Variants in KCNIP4 observed in about 807,000 individuals in gnomAD.
The protein encoded by KCNIP4 is potassium voltage-gated channel interacting protein 4, also known as Kv channel-interacting protein 4.
A neutral mutation model predicts 34.0 loss-of-function variants in KCNIP4; 12 were observed. The ratio of observed to expected loss-of-function variants is 0.35; its 90% CI spans 0.23 to 0.57. The LOEUF (loss-of-function observed/expected upper bound fraction) is 0.57. KCNIP4 is among the 20% of genes least tolerant of loss of function. KCNIP4 has a pLI of 0.83. For synonymous variants in KCNIP4, 124 were observed against 102.2 expected (o/e 1.21, Z -1.29); for missense variants, 238 against 311.7 (o/e 0.76, Z 1.78).
At chr4:21,788,019 G>A (rs942462578) in intron 1 of KCNIP4, among the ~76,000 whole-genome samples, 1 of 151,884 alleles carries the variant, frequency 6.6e-6, no homozygotes, top group African/African-American at 2.4e-5. Flanking sequence ...AAGGCAGGCC[G>A]CTTGATACAT....
intron 1 of KCNIP4, among the ~76,000 whole-genome samples, chr4:20,897,115 T>C (rs900799923): frequency 6.6e-6 from 1 of 151,938 alleles, no homozygotes; most frequent in Non-Finnish European, 1.5e-5. Flanking sequence ...AAGTAAATAT[T>C]GTCCAGTTTT....
Position 21,424,435 on chromosome 4 carries a change from G to T in KCNIP4, c.61+524136C>A, listed in dbSNP as rs558522938. 8.6e-5 allele frequency among the ~76,000 whole-genome samples: 13 copies of T among 152,024 alleles called. No individual in the cohort carries two copies. The South Asian group carries it at 2.3e-3, about 27-fold the overall frequency. On this transcript the variant is annotated intron_variant, in intron 1 of 8. Transcript: ENST00000382152. ...AAAAAATAAAACATTAGCCAGGCAT[G>T]GTGGCATGCGCCTGTAATCCCAGCT...
chr4:21,875,386 A>G (rs1223204625), intron 1 of KCNIP4, among the ~76,000 whole-genome samples: 1 of 152,208 alleles, frequency 6.6e-6, no homozygotes, highest in Non-Finnish European at 1.5e-5. Flanking sequence ...AAACAAATAA[A>G]TAGATAGAAA....
At chr4:21,292,002 T>G (rs1172234549) in intron 1 of KCNIP4, among the ~76,000 whole-genome samples, 1 of 152,026 alleles carries the variant, frequency 6.6e-6, no homozygotes, top group Non-Finnish European at 1.5e-5. Context: ...AGTAGAAAAT[T>G]CCGTCTATGT....
chr4:21,663,108 A>C (rs565459756), intron 1 of KCNIP4, among the ~76,000 whole-genome samples: 18 of 152,298 alleles, frequency 1.2e-4, no homozygotes, highest in African/African-American at 4.1e-4. Context: ...GAAACTTGTA[A>C]AATAATTGTA....
chr4:20,804,946 A>T (rs1327998646), intron 3 of KCNIP4, among the ~76,000 whole-genome samples: 1 of 152,114 alleles, frequency 6.6e-6, no homozygotes, highest in Non-Finnish European at 1.5e-5. Context: ...GAGCCTCATA[A>T]ATGAACAGTT....
chr4:21,561,571 T>C (rs1446979539), intron 1 of KCNIP4, among the ~76,000 whole-genome samples: 1 of 151,914 alleles, frequency 6.6e-6, no homozygotes, highest in Non-Finnish European at 1.5e-5. Flanking sequence ...ATTTAAATGA[T>C]GGTGGGCAGC....
chr4:21,512,333 A>G (rs1734409716), intron 1 of KCNIP4, among the ~76,000 whole-genome samples: 1 of 152,156 alleles, frequency 6.6e-6, no homozygotes, highest in Non-Finnish European at 1.5e-5. Context: ...AAGCAATCCT[A>G]TTGAAATACT....
At chr4:21,941,389 T>C (rs1336874967) in intron 1 of KCNIP4, among the ~76,000 whole-genome samples, 1 of 152,050 alleles carries the variant, frequency 6.6e-6, no homozygotes, top group East Asian at 1.9e-4. Flanking sequence ...TGTCACTTCT[T>C]AAATAAACTG....
chr4:20,916,271 A>C (rs1577361302), intron 1 of KCNIP4: 1 of 969,770 alleles, frequency 1.0e-6, no homozygotes, highest in South Asian at 4.8e-5. Flanking sequence ...TCTGACCTCC[A>C]CCCACATTTC....
At chr4:21,727,850 T>G (rs1334391708) in intron 1 of KCNIP4, among the ~76,000 whole-genome samples, 2 of 151,958 alleles carry the variant, frequency 1.3e-5, no homozygotes, top group African/African-American at 4.8e-5. Flanking sequence ...ATAAGAATAA[T>G]AAGAATAAAT....
At chr4:21,025,554 T>TG (rs1318007254) in intron 1 of KCNIP4, among the ~76,000 whole-genome samples, 5 of 108,158 alleles carry the variant, frequency 4.6e-5, no homozygotes, top group Non-Finnish European at 9.5e-5. Flanking sequence ...TTTTTTTTTT[T>TG]TTTTTTTTTT....
At chr4:20,854,672 A>C (rs1721385713) in intron 2 of KCNIP4, among the ~76,000 whole-genome samples, 1 of 152,168 alleles carries the variant, frequency 6.6e-6, no homozygotes, top group Non-Finnish European at 1.5e-5. Flanking sequence ...TTCATTTTAC[A>C]AGTAAAGTGA....
chr4:20,976,411 T>C (rs1479220129), intron 1 of KCNIP4, among the ~76,000 whole-genome samples: 2 of 152,196 alleles, frequency 1.3e-5, no homozygotes, highest in African/African-American at 4.8e-5. Flanking sequence ...TGGCTCCTAT[T>C]TGTGGATGAA....
At chr4:21,125,816 C>T (rs1427404368) in intron 1 of KCNIP4, among the ~76,000 whole-genome samples, 1 of 152,060 alleles carries the variant, frequency 6.6e-6, no homozygotes, top group African/African-American at 2.4e-5. Flanking sequence ...TCACATCACT[C>T]ACTATATTTT....
chr4:21,623,607 C>A (rs1745128890), intron 1 of KCNIP4, among the ~76,000 whole-genome samples: 1 of 152,178 alleles, frequency 6.6e-6, no homozygotes, highest in Non-Finnish European at 1.5e-5. Flanking sequence ...CCATCTACTA[C>A]TCTCAAAGTT....
chr4:20,915,127 T>C (rs1215583347), intron 1 of KCNIP4, among the ~76,000 whole-genome samples: 1 of 152,240 alleles, frequency 6.6e-6, no homozygotes, highest in African/African-American at 2.4e-5. Flanking sequence ...TAGCATGACA[T>C]ATATTTTTCA....
At position 21,129,961 on chromosome 4, in the gene KCNIP4, C is replaced by T. The variant is rs77371184; in HGVS notation, c.62-247252G>A. On this transcript the variant is annotated intron_variant, in intron 1 of 8. Transcript: ENST00000382152. The stretch of plus-strand genomic sequence containing the variant: ...ACTCAAAGACTTCTTACATACCATC[C>T]TCCTACCTATACTTCATGCTGTATT... Among the ~76,000 whole-genome samples the T allele has an allele frequency of 3.1e-3, 477 of 152,064 alleles. 18 individuals are homozygous for T. The East Asian group carries it at 0.07, about 22-fold the overall frequency.
chr4:20,876,577 T>C (rs1317785431), intron 2 of KCNIP4, among the ~76,000 whole-genome samples: 1 of 152,060 alleles, frequency 6.6e-6, no homozygotes, highest in Non-Finnish European at 1.5e-5. Flanking sequence ...AAATCTTTTT[T>C]TTTTTGTTCT....
Sources: allele counts gnomAD v4.1 joint callset (sites outside exome capture counted in the v4.1 genomes callset), GRCh38; gene constraint gnomAD v4.1.1; transcripts MANE v1.5; gene names NCBI Gene and HGNC (gene_info 2026-07-23, HGNC 2026-07-21).